The following PHEX variants were observed in gnomAD, a reference collection of about 807,000 sequenced individuals.
The protein encoded by PHEX is phosphate-regulating neutral endopeptidase PHEX.
Under a neutral mutation model 68.0 loss-of-function variants are expected in PHEX, and 16 were observed. The ratio of observed to expected loss-of-function variants is 0.24; its 90% CI spans 0.16 to 0.36. The LOEUF is 0.36. Ranked by LOEUF, PHEX falls within the 10% of genes least tolerant of loss-of-function variation. The pLI is 1.00. For missense variants in PHEX, 480 were observed against 575.5 expected (o/e 0.83, Z 1.70); for synonymous variants, 208 against 205.1 (o/e 1.01, Z -0.12).
intron 12 of PHEX, among the ~76,000 whole-genome samples, chrX:22,159,559 A>G (rs1933049578): frequency 8.9e-6 from 1 of 112,117 alleles, no homozygotes; most frequent in African/African-American, 3.2e-5. Flanking sequence ...CAACCAAAAG[A>G]AGAATATATT....
chrX:22,110,857 A>T (rs756929688), intron 9 of PHEX, among the ~76,000 whole-genome samples: 18 of 112,387 alleles, frequency 1.6e-4, no homozygotes, highest in Non-Finnish European at 2.8e-4. Context: ...TCAGGGCACC[A>T]GGCAGGATCC....
At chrX:22,175,888 C>T (rs767798611) in intron 13 of PHEX, among the ~76,000 whole-genome samples, 12 of 111,208 alleles carry the variant, frequency 1.1e-4, no homozygotes, top group Non-Finnish European at 1.9e-4. Context: ...AATTTTCTAT[C>T]AGTTATAATC....
intron 18 of PHEX, among the ~76,000 whole-genome samples, chrX:22,223,075 G>A (rs752768093): frequency 6.2e-5 from 7 of 112,282 alleles, no homozygotes; most frequent in African/African-American, 1.9e-4. Context: ...TCACAAGGAC[G>A]ATAGAAAGGG....
At chrX:22,200,347 G>A (rs1428145522) in intron 15 of PHEX, among the ~76,000 whole-genome samples, 1 of 112,222 alleles carries the variant, frequency 8.9e-6, no homozygotes, top group Non-Finnish European at 1.9e-5. Flanking sequence ...AGTGGCTCAC[G>A]CCTGTAATCC....
intron 5 of PHEX, among the ~76,000 whole-genome samples, chrX:22,084,555 T>G (rs1334928011): frequency 1.9e-5 from 2 of 104,257 alleles, no homozygotes; most frequent in African/African-American, 7.5e-5. Flanking sequence ...TTTTTTTTTT[T>G]TTTGGAAGAG....
intron 12 of PHEX, among the ~76,000 whole-genome samples, chrX:22,137,589 G>A (rs752439398): frequency 4.5e-5 from 5 of 111,311 alleles, no homozygotes; most frequent in Non-Finnish European, 9.4e-5. Flanking sequence ...ATGCGGTCAG[G>A]GCTCTGCTTA....
At chrX:22,156,539 A>C (rs1044592352) in intron 12 of PHEX, among the ~76,000 whole-genome samples, 1 of 109,839 alleles carries the variant, frequency 9.1e-6, no homozygotes, top group African/African-American at 3.3e-5. Flanking sequence ...TCTTTACAAA[A>C]AAACATGTGG....
intron 16 of PHEX, among the ~76,000 whole-genome samples, chrX:22,216,573 G>A (rs945589761): frequency 9.1e-6 from 1 of 110,081 alleles, no homozygotes; most frequent in African/African-American, 3.3e-5. Context: ...AGGCTGGAGT[G>A]CAAAGGCATG....
chrX:22,144,812 G>C (rs974783870), intron 12 of PHEX, among the ~76,000 whole-genome samples: 2 of 109,102 alleles, frequency 1.8e-5, no homozygotes, highest in African/African-American at 6.7e-5. Flanking sequence ...GCAGTCAATA[G>C]GTACATCTTT....
intron 9 of PHEX, among the ~76,000 whole-genome samples, chrX:22,100,917 A>G (rs1930387821): frequency 8.9e-6 from 1 of 111,818 alleles, no homozygotes; most frequent in Non-Finnish European, 1.9e-5. Flanking sequence ...CACACCTGTA[A>G]TCCCAGCACT....
At chrX:22,042,127 C>T (rs1341287810) in intron 2 of PHEX, among the ~76,000 whole-genome samples, 4 of 111,206 alleles carry the variant, frequency 3.6e-5, no homozygotes, top group African/African-American at 6.5e-5. Context: ...GCTGTGCGTG[C>T]GTGGGCGTGC....
chrX:22,208,824 C>G (rs1206820860), intron 15 of PHEX, among the ~76,000 whole-genome samples: 1 of 112,185 alleles, frequency 8.9e-6, no homozygotes, highest in African/African-American at 3.2e-5. Context: ...TGTTCTTAAA[C>G]ACCACTGTGC....
intron 20 of PHEX, among the ~76,000 whole-genome samples, chrX:22,234,667 G>GCGAGAATT (rs1846974032): frequency 9.0e-6 from 1 of 110,631 alleles, no homozygotes; most frequent in Non-Finnish European, 1.9e-5. Flanking sequence ...TGTACTGGCA[G>GCGAGAATT]CGAGAATTTC....
Position 22,168,351 on chromosome X carries a change from A to C in PHEX, c.1444A>C (p.Ile482Leu), listed in dbSNP as rs1933406063. ...GGCAAAAGTTGGCTATCCAGAGTTTATAATGAATGATACTCATGTTAATGA... is the reference window on the plus strand; with the variant it reads ...GGCAAAAGTTGGCTATCCAGAGTTTCTAATGAATGATACTCATGTTAATGA... ...VLAKVGYPEF[I>L]MNDTHVNEDL... The change falls in exon 13 of 22, where the codon ATA becomes CTA. Residue 482 changes from isoleucine (I) to leucine (L), a missense_variant. Ile to Leu is a conservative substitution (Grantham distance 5). Transcript: ENST00000379374. The C allele has an allele frequency of 8.4e-7, 1 of 1,192,911 alleles. No individual in the cohort carries two copies. Among genetic ancestry groups the C allele is most frequent in the African/African-American group, 1.8e-5 (1 of 56,926 alleles).
At chrX:22,139,882 C>T in intron 12 of PHEX, among the ~76,000 whole-genome samples, 1 of 110,776 alleles carries the variant, frequency 9.0e-6, no homozygotes, top group African/African-American at 3.3e-5. Context: ...TGATATCTTA[C>T]CGGAGTGATT....
At chrX:22,219,150 G>A in intron 17 of PHEX, 47 bp downstream of exon 17, 1 of 790,792 alleles carries the variant, frequency 1.3e-6, no homozygotes. Flanking sequence ...TAATAATGTT[G>A]ACTATATGGA....
intron 9 of PHEX, among the ~76,000 whole-genome samples, chrX:22,104,626 C>A (rs975722585): frequency 8.9e-6 from 1 of 111,784 alleles, no homozygotes; most frequent in Non-Finnish European, 1.9e-5. Context: ...AGTTGGCAAC[C>A]TTTACTAGCA....
chrX:22,120,397 G>A (rs746269700), intron 11 of PHEX, among the ~76,000 whole-genome samples: 19 of 111,172 alleles, frequency 1.7e-4, no homozygotes, highest in Admixed American at 5.8e-4. Context: ...CCTTCTTAGT[G>A]GCTTATCTTA....
chrX:22,152,993 CTT>C (rs796374231), intron 12 of PHEX, among the ~76,000 whole-genome samples: 13 of 98,620 alleles, frequency 1.3e-4, no homozygotes, highest in Admixed American at 2.2e-4. Context: ...AAATGATCAA[CTT>C]TTTTTTTTTT....
Sources: allele counts gnomAD v4.1 joint callset (sites outside exome capture counted in the v4.1 genomes callset), GRCh38; gene constraint gnomAD v4.1.1; transcripts MANE v1.5; gene names NCBI Gene and HGNC (gene_info 2026-07-23, HGNC 2026-07-21).